Variants in TAOK3 observed in about 807,000 individuals in gnomAD.
TAOK3 encodes serine/threonine-protein kinase TAO3.
Under a neutral mutation model 120.4 loss-of-function variants are expected in TAOK3, and 40 were observed. That is an observed-to-expected ratio of 0.33 (90% CI 0.26 to 0.43). The LOEUF (loss-of-function observed/expected upper bound fraction) is 0.43, where lower values mean the gene tolerates loss of function less well. TAOK3 is among the 20% of genes least tolerant of loss of function. TAOK3 has a pLI of 1.00. For missense variants in TAOK3, 821 were observed against 1,112.1 expected (o/e 0.74, Z 3.72); for synonymous variants, 355 against 387.5 (o/e 0.92, Z 0.99).
At position 118,182,619 on chromosome 12, in the gene TAOK3, A is replaced by ATTTTT. The variant is rs1468532462; in HGVS notation, c.1330-1013_1330-1012insAAAAA. Among the ~76,000 whole-genome samples, 507 of 94,574 alleles carry ATTTTT rather than the reference A, an allele frequency of 5.4e-3. 1 individual carries two copies. Among genetic ancestry groups the ATTTTT allele is most frequent in the Non-Finnish European group, 7.7e-3 (384 of 49,774 alleles). 62.0% of individuals were successfully genotyped at this position (94,574 alleles called of 152,430 possible). ...TGTGTGTATATATATATATATATAT[A>ATTTTT]TATATTTTTTTTTTTTTTTAAGGAT... is the stretch of plus-strand genomic sequence containing the variant. On this transcript the variant is annotated intron_variant, in intron 14 of 20. Coordinates refer to ENST00000392533, the MANE Select transcript of TAOK3 (RefSeq NM_016281.4).
intron 9 of TAOK3, among the ~76,000 whole-genome samples, chr12:118,217,560 C>A (rs2038969423): frequency 6.6e-6 from 1 of 151,396 alleles, no homozygotes; most frequent in Non-Finnish European, 1.5e-5. Context: ...GTGGCATGCG[C>A]CTGTAATCCC....
In TAOK3 at chr12:118,270,812, C is replaced by T. The variant is rs372414669; in HGVS notation, c.-193-4053G>A. On this transcript the variant is annotated intron_variant, in intron 1 of 20. Coordinates refer to ENST00000392533, the MANE Select transcript of TAOK3 (RefSeq NM_016281.4). ...GTCTCAGCCTCCCCAGTAGCTGGGA[C>T]TACAGGCGCCCGCCACCACGCCCAG... Among the ~76,000 whole-genome samples, 1,040 of 151,858 alleles carry T rather than the reference C, an allele frequency of 6.8e-3. 8 individuals are homozygous for T. The highest frequency in any genetic ancestry group is 0.023 in the African/African-American group (967 of 41,404).
intron 13 of TAOK3, chr12:118,198,643 T>C (rs981964156): frequency 2.8e-5 from 6 of 215,398 alleles, no homozygotes; most frequent in African/African-American, 1.4e-4. Context: ...CGCCTAGGCC[T>C]CCCAAAGGGC....
intron 1 of TAOK3, among the ~76,000 whole-genome samples, chr12:118,325,556 C>T (rs1248578959): frequency 6.6e-6 from 1 of 152,074 alleles, no homozygotes; most frequent in Non-Finnish European, 1.5e-5. Flanking sequence ...AGATCTTTTG[C>T]CCATTTTAAA....
chr12:118,309,630 C>T (rs1272023420), intron 1 of TAOK3, among the ~76,000 whole-genome samples: 1 of 151,884 alleles, frequency 6.6e-6, no homozygotes, highest in Non-Finnish European at 1.5e-5. Flanking sequence ...ATTCTCCTGC[C>T]TCACCCTCCC....
chr12:118,217,706 AAAATG>A lies in TAOK3; in HGVS notation c.644-3601_644-3597del, dbSNP rs376777693. On this transcript the variant is annotated intron_variant, in intron 9 of 20. Coordinates refer to ENST00000392533, the MANE Select transcript of TAOK3 (RefSeq NM_016281.4). Reference sequence around the variant, plus strand: ...CTCAAAAATAAAAAATAAATTAAAAAAAATGAAATATAGTAGTCTCTCTCTATATA... The same window carrying A: ...CTCAAAAATAAAAAATAAATTAAAAAAAATATAGTAGTCTCTCTCTATATA... Among the ~76,000 whole-genome samples, 211 of 150,068 alleles carry A rather than the reference AAAATG, an allele frequency of 1.4e-3. 4 individuals are homozygous for A. The East Asian group carries it at 0.038, about 27-fold the overall frequency.
intron 1 of TAOK3, among the ~76,000 whole-genome samples, chr12:118,299,267 T>C (rs16948241): frequency 0.02 from 3,101 of 152,300 alleles, 108 homozygotes; most frequent in African/African-American, 0.071. Flanking sequence ...CAACAGTTTT[T>C]TCTTCCCTAT....
chr12:118,293,845 C>G (rs953443178), intron 1 of TAOK3, among the ~76,000 whole-genome samples: 1 of 150,972 alleles, frequency 6.6e-6, no homozygotes, highest in Admixed American at 6.6e-5. Context: ...GAAACCCTGT[C>G]TCTACTAAAA....
chr12:118,230,296 T>C (rs2039705939), intron 9 of TAOK3, among the ~76,000 whole-genome samples: 1 of 152,040 alleles, frequency 6.6e-6, no homozygotes, highest in Non-Finnish European at 1.5e-5. Context: ...TAGAGTTTCC[T>C]AGTCTGTTCT....
At chr12:118,233,817 TC>T in intron 8 of TAOK3, 52 bp from the exon 9 acceptor site, 2 of 1,233,390 alleles carry the variant, frequency 1.6e-6, no homozygotes, top group Non-Finnish European at 2.3e-6. Context: ...ACAAAATTTC[TC>T]CAGGAAAGTG....
At chr12:118,353,486 C>T (rs16948260) in intron 1 of TAOK3, among the ~76,000 whole-genome samples, 3,024 of 151,708 alleles carry the variant, frequency 0.02, 96 homozygotes, top group African/African-American at 0.069. Flanking sequence ...GAAAGGGTGT[C>T]GAAAGTCAAG....
rs958128317 is a variant in TAOK3, at chr12:118,226,347, G to A, written c.643+7327C>T. The stretch of plus-strand genomic sequence containing the variant: ...GCTGAGATTGCGCCACTGCACTCCA[G>A]CCTGGGCGACAGAGCGAGACTCCGT... On this transcript the variant is annotated intron_variant, in intron 9 of 20. Coordinates refer to ENST00000392533, the MANE Select transcript of TAOK3 (RefSeq NM_016281.4). Among the ~76,000 whole-genome samples the A allele has an allele frequency of 2.6e-5, 4 of 152,168 alleles. No homozygotes were observed. The East Asian group carries it at 7.7e-4, about 29-fold the overall frequency.
intron 9 of TAOK3, 156 bp from the exon 10 acceptor site, chr12:118,214,266 A>G: frequency 1.8e-6 from 1 of 567,504 alleles, no homozygotes; most frequent in Non-Finnish European, 3.0e-6. Flanking sequence ...AGGTTGGCCC[A>G]AGATAGCCAT....
chr12:118,348,454 C>CTTT (rs1168127251), intron 1 of TAOK3, among the ~76,000 whole-genome samples: 1 of 145,214 alleles, frequency 6.9e-6, no homozygotes, highest in East Asian at 2.0e-4. Context: ...TTCTTTCTTT[C>CTTT]TTTTTTTTTT....
intron 16 of TAOK3, among the ~76,000 whole-genome samples, chr12:118,174,822 C>A (rs1425328515): frequency 6.6e-6 from 1 of 152,026 alleles, no homozygotes; most frequent in East Asian, 1.9e-4. Context: ...CGCCATCAAG[C>A]TCAGCTAATT....
At chr12:118,332,133 G>GT (rs1375383566) in intron 1 of TAOK3, among the ~76,000 whole-genome samples, 1 of 152,116 alleles carries the variant, frequency 6.6e-6, no homozygotes, top group African/African-American at 2.4e-5. Context: ...ATATAAATTT[G>GT]TTTTTAACAC....
At chr12:118,256,267 A>C (rs1461374902) in intron 2 of TAOK3, among the ~76,000 whole-genome samples, 3 of 152,234 alleles carry the variant, frequency 2.0e-5, no homozygotes, top group Non-Finnish European at 4.4e-5. Flanking sequence ...AAGTAAGATA[A>C]GTGTTTGTGA....
Position 118,308,953 on chromosome 12 carries a change from A to AAAAAAAG in TAOK3, c.-193-42201_-193-42195dup, listed in dbSNP as rs1189690210. Among the ~76,000 whole-genome samples, 816 of 148,204 alleles carry AAAAAAAG rather than the reference A, an allele frequency of 5.5e-3. 8 individuals carry two copies. Among genetic ancestry groups the AAAAAAAG allele is most frequent in the Middle Eastern group, 0.011 (3 of 282 alleles). ...CTCCAAAAAAAAAAAAAAAAAAAAAAAAAAAAGCCTGTATGGTTGTAATTA... is the reference window on the plus strand; with the variant it reads ...CTCCAAAAAAAAAAAAAAAAAAAAAAAAAAAAGAAAAAAGCCTGTATGGTTGTAATTA... On this transcript the variant is annotated intron_variant, in intron 1 of 20. Coordinates refer to ENST00000392533, the MANE Select transcript of TAOK3 (RefSeq NM_016281.4).
At chr12:118,285,909 G>A (rs564598249) in intron 1 of TAOK3, among the ~76,000 whole-genome samples, 6 of 152,104 alleles carry the variant, frequency 3.9e-5, no homozygotes, top group South Asian at 2.1e-4. Context: ...GGGACAACTC[G>A]AGGCAAAAGG....
Sources: gnomAD v4.1 joint callset for allele counts (sites outside exome capture counted in the v4.1 genomes callset) on GRCh38, gnomAD v4.1.1 for gene constraint, MANE v1.5 for transcripts, NCBI Gene and HGNC (gene_info 2026-07-23, HGNC 2026-07-21) for gene names.